Variants in PPM1E observed in about 807,000 individuals in gnomAD.
PPM1E encodes protein phosphatase 1E.
PPM1E carries 20 observed loss-of-function variants against 65.9 expected under a neutral mutation model. That is an observed-to-expected ratio of 0.30 (90% CI 0.21 to 0.44). The LOEUF (loss-of-function observed/expected upper bound fraction) is 0.44. Ranked by LOEUF, PPM1E falls within the 20% of genes least tolerant of loss-of-function variation. The pLI, the probability that PPM1E is intolerant of heterozygous loss-of-function variation, is 1.00. For missense variants in PPM1E, 713 were observed against 953.1 expected (o/e 0.75, Z 3.32); for synonymous variants, 352 against 374.9 (o/e 0.94, Z 0.70).
chr17:58,772,629 T>C (rs2049951650), intron 1 of PPM1E, among the ~76,000 whole-genome samples: 1 of 152,106 alleles, frequency 6.6e-6, no homozygotes, highest in Non-Finnish European at 1.5e-5. Context: ...GACATTACCA[T>C]GTGCAAAGGC....
chr17:58,796,975 G>A (rs1192985711), intron 1 of PPM1E, among the ~76,000 whole-genome samples: 1 of 152,028 alleles, frequency 6.6e-6, no homozygotes, highest in African/African-American at 2.4e-5. Flanking sequence ...GTGTGGTGAC[G>A]GGTGCCTATA....
At chr17:58,787,905 T>TAAAAA (rs1284840531) in intron 1 of PPM1E, among the ~76,000 whole-genome samples, 2 of 114,394 alleles carry the variant, frequency 1.7e-5, no homozygotes, top group South Asian at 2.8e-4. Flanking sequence ...AGACTCTGTC[T>TAAAAA]AAAAAAAAAA....
At chr17:58,771,680 G>A (rs1277631493) in intron 1 of PPM1E, among the ~76,000 whole-genome samples, 1 of 103,264 alleles carries the variant, frequency 9.7e-6, no homozygotes, top group East Asian at 2.4e-4. Flanking sequence ...TATGATTAAA[G>A]ACAGTATTCT....
At chr17:58,863,304 G>A (rs903992015) in intron 1 of PPM1E, among the ~76,000 whole-genome samples, 1 of 152,190 alleles carries the variant, frequency 6.6e-6, no homozygotes, top group African/African-American at 2.4e-5. Context: ...TTCTTAGCGT[G>A]CAGCTCTGAG....
chr17:58,961,471 G>A (rs1210792811), intron 2 of PPM1E, among the ~76,000 whole-genome samples: 2 of 152,202 alleles, frequency 1.3e-5, no homozygotes, highest in Non-Finnish European at 2.9e-5. Context: ...GGCATAGAAT[G>A]TAGCAAATAC....
chr17:58,896,787 A>G (rs191312253), intron 1 of PPM1E, among the ~76,000 whole-genome samples: 221 of 152,326 alleles, frequency 1.5e-3, no homozygotes, highest in Non-Finnish European at 2.2e-3. Flanking sequence ...CAGACTTTCA[A>G]TGTAGACAAA....
chr17:58,869,060 C>T (rs1455135046), intron 1 of PPM1E, among the ~76,000 whole-genome samples: 2 of 152,088 alleles, frequency 1.3e-5, no homozygotes, highest in African/African-American at 2.4e-5. Flanking sequence ...GTCCCAGCTA[C>T]TCAGGAGGCT....
At chr17:58,913,395 C>T (rs1447734477) in intron 1 of PPM1E, among the ~76,000 whole-genome samples, 3 of 151,820 alleles carry the variant, frequency 2.0e-5, no homozygotes, top group African/African-American at 7.3e-5. Context: ...AAAAAAAAAA[C>T]TTTTTAATTT....
chr17:58,856,277 T>C (rs2050881040), intron 1 of PPM1E, among the ~76,000 whole-genome samples: 1 of 152,222 alleles, frequency 6.6e-6, no homozygotes, highest in Non-Finnish European at 1.5e-5. Flanking sequence ...TTTGCTATTG[T>C]TGCCGAGGCT....
chr17:58,894,578 A>G (rs2051388757), intron 1 of PPM1E, among the ~76,000 whole-genome samples: 1 of 152,148 alleles, frequency 6.6e-6, no homozygotes, highest in Non-Finnish European at 1.5e-5. Context: ...TTATTATGAA[A>G]ATAGTTCTGA....
At chr17:58,829,117 A>T (rs2050572704) in intron 1 of PPM1E, among the ~76,000 whole-genome samples, 1 of 151,748 alleles carries the variant, frequency 6.6e-6, no homozygotes, top group African/African-American at 2.4e-5. Flanking sequence ...ATCTCAGCTC[A>T]CTGCAACCTC....
intron 1 of PPM1E, among the ~76,000 whole-genome samples, chr17:58,808,742 T>C (rs1567839722): frequency 6.6e-6 from 1 of 152,174 alleles, no homozygotes; most frequent in Non-Finnish European, 1.5e-5. Flanking sequence ...AATCTAATTT[T>C]AGAACATTTC....
intron 1 of PPM1E, among the ~76,000 whole-genome samples, chr17:58,924,485 A>G (rs1473507284): frequency 6.6e-6 from 1 of 152,174 alleles, no homozygotes; most frequent in Admixed American, 6.5e-5. Context: ...CAGGAGTTCA[A>G]GGTTACAGTC....
At chr17:58,775,984 C>T (rs1033443794) in intron 1 of PPM1E, among the ~76,000 whole-genome samples, 1 of 149,830 alleles carries the variant, frequency 6.7e-6, no homozygotes, top group Non-Finnish European at 1.5e-5. Flanking sequence ...TTTTAACCTC[C>T]CATTTTTGGT....
Position 58,869,590 on chromosome 17 carries a change from A to G in PPM1E, c.465-86059A>G, listed in dbSNP as rs114186912. 4.1e-3 allele frequency among the ~76,000 whole-genome samples: 617 copies of G among 152,292 alleles called. 9 individuals are homozygous for G. The highest frequency in any genetic ancestry group is 0.014 in the African/African-American group (579 of 41,560). On this transcript the variant is annotated intron_variant, in intron 1 of 6. Transcript: ENST00000308249. ...CAGCTGGAGGCCTTCACCAGAGGCAAATGCTGGCACCATGCTTCTTCTTGT... is the reference window on the plus strand; with the variant it reads ...CAGCTGGAGGCCTTCACCAGAGGCAGATGCTGGCACCATGCTTCTTCTTGT...
intron 1 of PPM1E, among the ~76,000 whole-genome samples, chr17:58,799,344 G>T (rs1027999348): frequency 6.7e-6 from 1 of 148,934 alleles, no homozygotes. Flanking sequence ...CAGTGGCGCC[G>T]TCAGGGCTCA....
intron 6 of PPM1E, among the ~76,000 whole-genome samples, chr17:58,973,857 C>T (rs2030816984): frequency 6.9e-6 from 1 of 144,602 alleles, no homozygotes; most frequent in South Asian, 2.2e-4. Flanking sequence ...GAGGTTGAGG[C>T]AGGAGAATCA....
chr17:58,783,907 C>T (rs536783981), intron 1 of PPM1E, among the ~76,000 whole-genome samples: 14 of 151,296 alleles, frequency 9.3e-5, no homozygotes, highest in African/African-American at 2.7e-4. Flanking sequence ...GACAGGGTTT[C>T]GACATGCTGG....
chr17:58,832,257 A>G (rs905357022), intron 1 of PPM1E, among the ~76,000 whole-genome samples: 8 of 152,196 alleles, frequency 5.3e-5, no homozygotes, highest in Admixed American at 5.2e-4. Context: ...CTTCTGAATT[A>G]ACTGTTCTTA....
Sources: allele counts gnomAD v4.1 joint callset (sites outside exome capture counted in the v4.1 genomes callset), GRCh38; gene constraint gnomAD v4.1.1; transcripts MANE v1.5; gene names NCBI Gene and HGNC (gene_info 2026-07-23, HGNC 2026-07-21).